C1S: variants seen among roughly 807,000 people sequenced by gnomAD.
C1S encodes the protein complement C1s.
C1S carries 31 observed loss-of-function variants against 54.0 expected under a neutral mutation model. That is an observed-to-expected ratio of 0.57 (90% CI 0.43 to 0.78). The LOEUF (loss-of-function observed/expected upper bound fraction) is 0.78, where lower values mean the gene tolerates loss of function less well. Among genes scored for constraint, C1S ranks in the 30% least tolerant of loss-of-function variants. The pLI is 0.00. For missense variants in C1S, 727 were observed against 851.8 expected, an observed-to-expected ratio of 0.85 and a Z score of 1.82; for synonymous variants, 292 against 303.6, an observed-to-expected ratio of 0.96 and a Z score of 0.40.
rs1210630734 is a variant in C1S at position 7,062,876 on chromosome 12, G to C, written c.214-14G>C. The stretch of plus-strand genomic sequence containing the variant: ...ACCCTTTCCTAGATTTTTTTTTTGT[G>C]ACTCTTCTCTTAGATAATCTCAGGA... On this transcript the variant is annotated splice_polypyrimidine_tract_variant and intron_variant, in intron 3 of 11. Coordinates refer to ENST00000360817, the MANE Select transcript of C1S (RefSeq NM_001734.5). 4 of 1,604,610 alleles carry C rather than the reference G, an allele frequency of 2.5e-6. No homozygotes were observed. Among genetic ancestry groups the C allele is most frequent in the African/African-American group, 2.7e-5 (2 of 73,690 alleles).
In C1S at chr12:7,065,238, G is replaced by A. The variant is rs147341600; in HGVS notation, c.656G>A (p.Arg219Gln). The A allele has an allele frequency of 1.2e-4, 197 of 1,614,126 alleles. No individual in the cohort carries two copies. The highest frequency in any genetic ancestry group is 8.2e-4 in the Middle Eastern group (5 of 6,062). ...EKGFQVVVTL[R>Q]REDFDVEAAD... ...GGGTTCCAAGTGGTGGTGACCTTGCGGAGAGAAGATTTTGATGTGGAAGCA... is the reference window on the plus strand; with the variant it reads ...GGGTTCCAAGTGGTGGTGACCTTGCAGAGAGAAGATTTTGATGTGGAAGCA... Residue 219 changes from arginine (R) to glutamine (Q), a missense_variant, in exon 6 of 12, where the codon CGG (arginine) becomes CAG (glutamine). Physicochemically the swap from Arg to Gln is conservative, Grantham distance 43. Around this residue, in one of 3 missense-constraint regions of C1S, gnomAD observed 357 missense variants for 365.4 expected, o/e 0.98. Coordinates refer to ENST00000360817, the MANE Select transcript of C1S (RefSeq NM_001734.5).
chr12:7,064,398 C>G lies in C1S; in HGVS notation c.517+6C>G, dbSNP rs1178869098. 6 of 1,613,938 alleles carry G rather than the reference C, an allele frequency of 3.7e-6. No homozygotes were observed. The highest frequency in any genetic ancestry group is 5.1e-6 in the Non-Finnish European group (6 of 1,179,994). On this transcript the variant is annotated splice_donor_region_variant and intron_variant, in intron 5 of 11. Transcript: ENST00000360817. ...TGACATGAAGAATTGCGGAGGTGAG[C>G]TTGGTGTTAAGAGGGTTGCATGTTC...
Position 7,070,687 on chromosome 12 carries a change from G to T in C1S, c.*36G>T. The T allele has an allele frequency of 6.6e-7, 1 of 1,507,318 alleles. No individual in the cohort carries two copies. The highest frequency in any genetic ancestry group is 1.1e-5 in the South Asian group (1 of 88,852). 93.4% of individuals were successfully genotyped at this position (1,507,318 alleles called of 1,614,324 possible). ...TCCCACCAGCCTCTCCAAGGGTGGT[G>T]ACCAATGCATTACCTTCTGTTCCTT... On this transcript the variant is annotated 3_prime_UTR_variant, in exon 12 of 12. Transcript: ENST00000360817. The surrounding 1 kb of genome is among the most constrained non-coding windows in gnomAD (Gnocchi z 4.9).
In C1S at chr12:7,062,976, A is replaced by G. The variant is rs1555161492; in HGVS notation, c.300A>G (p.Gln100=). 5 of 1,614,136 alleles carry G rather than the reference A, an allele frequency of 3.1e-6. No individual in the cohort carries two copies. In the South Asian group the frequency reaches 3.3e-5, roughly 11 times the overall value. ...NPHSPIVEEF[Q]VPYNKLQVIF... Reference sequence around the variant, plus strand: ...ACTCTCCAATTGTGGAAGAGTTCCAAGTCCCATACAACAAACTCCAGGTGA... The same window carrying G: ...ACTCTCCAATTGTGGAAGAGTTCCAGGTCCCATACAACAAACTCCAGGTGA... Residue 100 remains glutamine (Q), a synonymous_variant, in exon 4 of 12, where the codon CAA becomes CAG. Coordinates refer to ENST00000360817, the MANE Select transcript of C1S (RefSeq NM_001734.5).
intron 8 of C1S, 143 bp downstream of exon 8, chr12:7,066,776 G>A: frequency 1.4e-6 from 1 of 720,246 alleles, no homozygotes; most frequent in Non-Finnish European, 2.6e-6. Flanking sequence ...AAGATCTGTA[G>A]TTCTCCCTTG....
Position 7,066,610 on chromosome 12 carries a change from C to T in C1S, c.964C>T (p.Leu322=). 1 of 1,612,612 alleles carries T rather than the reference C, an allele frequency of 6.2e-7. No homozygotes were observed. Among genetic ancestry groups the T allele is most frequent in the Non-Finnish European group, 8.5e-7 (1 of 1,178,542 alleles). Reference sequence around the variant, plus strand: ...TAGAGATGTGGTGCAGATAACCTGTCTGGATGGGTTTGAAGTTGTGGAGGT... The same window carrying T: ...TAGAGATGTGGTGCAGATAACCTGTTTGGATGGGTTTGAAGTTGTGGAGGT... ...VFRDVVQITC[L]DGFEVVEGRV... Residue 322 remains leucine (L), a synonymous_variant, in exon 8 of 12, where the codon CTG becomes TTG. Transcript: ENST00000360817.
In C1S at chr12:7,070,273, C is replaced by G. The variant is rs782759395; in HGVS notation, c.1689C>G (p.Asp563Glu). Residue 563 changes from aspartate to glutamate, a missense_variant, in exon 12 of 12, where the codon GAC (aspartate) becomes GAG (glutamate). Asp to Glu is a conservative substitution (Grantham distance 45, BLOSUM62 2). This residue lies in a region of C1S where 360 missense variants were observed against 453.6 expected (regional missense o/e 0.79). Coordinates refer to ENST00000360817, the MANE Select transcript of C1S (RefSeq NM_001734.5). The surrounding 1 kb of genome is among the most constrained non-coding windows in gnomAD (Gnocchi z 4.9). The part of the protein sequence containing the change: ...TSSDYNLMDG[D>E]LGLISGWGRT... ...CCGACTACAACCTCATGGATGGGGA[C>G]CTGGGACTGATCTCAGGCTGGGGCC... The G allele has an allele frequency of 6.2e-7, 1 of 1,614,218 alleles. No homozygotes were observed. The highest frequency in any genetic ancestry group is 8.5e-7 in the Non-Finnish European group (1 of 1,180,020).
At position 7,067,729 on chromosome 12, in the gene C1S, A is replaced by G. The variant is rs981122608; in HGVS notation, c.1153A>G (p.Thr385Ala). ...STLFGSVIRY[T>A]CEEPYYYMEN... ...TTTGTTTGGTTCTGTCATCCGCTAC[A>G]CTTGTGAGGAGCCATATTACTACAT... Residue 385 changes from threonine to alanine, a missense_variant, in exon 10 of 12, where the codon ACT becomes GCT. Thr to Ala is a moderately conservative substitution (Grantham distance 58, BLOSUM62 0). Coordinates refer to ENST00000360817, the MANE Select transcript of C1S (RefSeq NM_001734.5). 1 of 1,613,908 alleles carries G rather than the reference A, an allele frequency of 6.2e-7. No homozygotes were observed. Among genetic ancestry groups the G allele is most frequent in the African/African-American group, 1.3e-5 (1 of 74,906 alleles).
At position 7,070,108 on chromosome 12, in the gene C1S, G is replaced by C. The variant is rs782042298; in HGVS notation, c.1524G>C (p.Val508=). 3.7e-6 allele frequency: 6 copies of C among 1,614,184 alleles called. No homozygotes were observed. Among genetic ancestry groups the C allele is most frequent in the Non-Finnish European group, 5.1e-6 (6 of 1,180,038 alleles). ...CCAAGATGCTCACTCCTGAGCATGT[G>C]TTTATTCATCCGGGATGGAAGCTGC... ...AKSKMLTPEH[V]FIHPGWKLLE... Residue 508 remains valine (V), a synonymous_variant, in exon 12 of 12, where the codon GTG becomes GTC. Transcript: ENST00000360817. This position sits in a 1 kb window ranked among gnomAD's most constrained non-coding sequence, Gnocchi z 4.9.
chr12:7,070,501 G>A lies in C1S; in HGVS notation c.1917G>A (p.Gln639=), dbSNP rs781843228. 6.2e-7 allele frequency: 1 copy of A among 1,613,942 alleles called. No individual in the cohort carries two copies. Among genetic ancestry groups the A allele is most frequent in the Admixed American group, 1.7e-5 (1 of 59,992 alleles). ...ACAGTGGTGGGGCCTTTGCTGTACA[G>A]GATCCCAATGACAAGACCAAATTCT... ...KGDSGGAFAV[Q]DPNDKTKFYA... The change falls in exon 12 of 12, where the codon CAG becomes CAA. Residue 639 remains glutamine (Q), a synonymous_variant. Coordinates refer to ENST00000360817, the MANE Select transcript of C1S (RefSeq NM_001734.5). The surrounding 1 kb of genome is among the most constrained non-coding windows in gnomAD (Gnocchi z 4.9).
intron 1 of C1S, chr12:7,061,448 G>A: frequency 9.8e-6 from 3 of 305,792 alleles, no homozygotes; most frequent in Non-Finnish European, 1.9e-5. Flanking sequence ...CTACATGGAT[G>A]ATCATGATGC....
intron 11 of C1S, among the ~76,000 whole-genome samples, chr12:7,069,575 T>TG (rs1937782152): frequency 6.6e-6 from 1 of 152,174 alleles, no homozygotes; most frequent in Admixed American, 6.5e-5. Flanking sequence ...GGTCGCACTG[T>TG]GGATAGTGTG....
intron 3 of C1S, 68 bp from the exon 4 acceptor site, chr12:7,062,822 C>A: frequency 6.4e-7 from 1 of 1,564,916 alleles, no homozygotes; most frequent in Non-Finnish European, 8.8e-7. Context: ...TTCTCTCTGT[C>A]CCTTCTTTTA....
intron 1 of C1S, 41 bp from the exon 2 acceptor site, chr12:7,061,798 G>C: frequency 8.6e-7 from 1 of 1,156,976 alleles, no homozygotes; most frequent in Non-Finnish European, 1.3e-6. Flanking sequence ...GAAGGTGCTT[G>C]TGTTTGTCAG....
At chr12:7,064,499 T>C in intron 5 of C1S, 107 bp downstream of exon 5, 2 of 1,038,026 alleles carry the variant, frequency 1.9e-6, no homozygotes, top group East Asian at 5.0e-5. Context: ...CAAGCCTTCA[T>C]TTGGCACTTC....
chr12:7,062,146 C>CTGTGG (rs1947098652), intron 2 of C1S: 1 of 583,428 alleles, frequency 1.7e-6, no homozygotes, highest in South Asian at 2.0e-5. Context: ...TGCGTGTCAC[C>CTGTGG]TGTGGTCCCT....
At position 7,063,057 on chromosome 12, in the gene C1S, T is replaced by C. The variant is rs2135721747; in HGVS notation, c.381T>C (p.Tyr127=). The C allele has an allele frequency of 6.2e-7, 1 of 1,613,446 alleles. No homozygotes were observed. Among genetic ancestry groups the C allele is most frequent in the Non-Finnish European group, 8.5e-7 (1 of 1,180,016 alleles). Residue 127 remains tyrosine (Y), a synonymous_variant, in exon 4 of 12, where the codon TAT becomes TAC. Coordinates refer to ENST00000360817, the MANE Select transcript of C1S (RefSeq NM_001734.5). The part of the protein sequence containing the change: ...EERFTGFAAY[Y]VATDINECTD... The stretch of plus-strand genomic sequence containing the variant: ...GTTTTACGGGGTTTGCTGCATACTA[T>C]GTTGCCACAGGTAAGGCTCACCCTT...
chr12:7,067,336 G>A (rs1591579726), intron 9 of C1S: 1 of 633,878 alleles, frequency 1.6e-6, no homozygotes, highest in East Asian at 2.7e-5. Context: ...AGGGGCTATG[G>A]GATAGGTCGA....
At position 7,064,295 on chromosome 12, in the gene C1S, T is replaced by C. The variant is rs782278373; in HGVS notation, c.420T>C (p.Asp140=). 25 of 1,613,932 alleles carry C rather than the reference T, an allele frequency of 1.5e-5. No individual in the cohort carries two copies. The highest frequency in any genetic ancestry group is 2.0e-5 in the Non-Finnish European group (24 of 1,179,910). The part of the protein sequence containing the change: ...TDINECTDFV[D]VPCSHFCNNF... ...TAAATGAATGCACAGATTTTGTAGA[T>C]GTCCCTTGTAGCCACTTCTGCAACA... Residue 140 remains aspartate (D), a synonymous_variant, in exon 5 of 12, where the codon GAT becomes GAC. Transcript: ENST00000360817.
Sources: allele counts gnomAD v4.1 joint callset (sites outside exome capture counted in the v4.1 genomes callset), GRCh38; gene constraint gnomAD v4.1.1; regional missense constraint gnomAD v4.1.1; non-coding constraint Gnocchi (gnomAD v3.1); transcripts MANE v1.5; gene names NCBI Gene and HGNC (gene_info 2026-07-23, HGNC 2026-07-21).